The following RALYL variants were observed in gnomAD, a reference collection of about 807,000 sequenced individuals.
RALYL encodes the protein RNA-binding Raly-like protein.
Under a neutral mutation model 35.1 loss-of-function variants are expected in RALYL, and 29 were observed. The ratio of observed to expected loss-of-function variants is 0.83; its 90% CI spans 0.61 to 1.13. The LOEUF (loss-of-function observed/expected upper bound fraction) is 1.13, where lower values mean the gene tolerates loss of function less well. Among genes scored for constraint, RALYL ranks in the 50% most tolerant of loss-of-function variants. The probability of loss-of-function intolerance (pLI) is 0.00; values close to 1 mark genes in which losing one functional copy is unlikely to be tolerated. For missense variants in RALYL, 359 were observed against 360.4 expected, an observed-to-expected ratio of 1.00 and a Z score of 0.03; for synonymous variants, 120 against 127.6, an observed-to-expected ratio of 0.94 and a Z score of 0.40.
chr8:84,574,544 T>C (rs1808845695), intron 2 of RALYL, among the ~76,000 whole-genome samples: 2 of 152,092 alleles, frequency 1.3e-5, no homozygotes, highest in East Asian at 1.9e-4. Flanking sequence ...TTATCACTAA[T>C]TATCCCTCTC....
chr8:84,839,497 C>T lies in RALYL; in HGVS notation c.366-10483C>T, dbSNP rs565287958. Among the ~76,000 whole-genome samples the T allele has an allele frequency of 2.0e-5, 3 of 152,362 alleles. No individual in the cohort carries two copies. The East Asian group carries it at 5.8e-4, about 29-fold the overall frequency. On this transcript the variant is annotated intron_variant, in intron 4 of 8. Coordinates refer to ENST00000521268, the MANE Select transcript of RALYL (RefSeq NM_173848.7). The stretch of plus-strand genomic sequence containing the variant: ...AGCTCGAACTGGGTGGAGCCCACCA[C>T]AGCTCAAGGAGGCCTGCCTGCCTCT...
At chr8:84,721,915 G>A (rs951962662) in intron 2 of RALYL, among the ~76,000 whole-genome samples, 1 of 151,984 alleles carries the variant, frequency 6.6e-6, no homozygotes, top group African/African-American at 2.4e-5. Context: ...CTCAGTAATG[G>A]TATCAACTGG....
intron 5 of RALYL, among the ~76,000 whole-genome samples, chr8:84,851,254 G>T (rs1835804330): frequency 6.6e-6 from 1 of 151,922 alleles, no homozygotes. Flanking sequence ...GACTTTGAAA[G>T]ATGGAATGTG....
chr8:84,654,303 A>ATATATATATATC (rs1829508020), intron 2 of RALYL, among the ~76,000 whole-genome samples: 1 of 130,184 alleles, frequency 7.7e-6, no homozygotes, highest in Non-Finnish European at 1.7e-5. Flanking sequence ...ATATATATAT[A>ATATATATATATC]TATATATATA....
chr8:84,781,598 A>G (rs1190798528), intron 3 of RALYL, among the ~76,000 whole-genome samples: 8 of 152,212 alleles, frequency 5.3e-5, no homozygotes, highest in Non-Finnish European at 1.0e-4. Flanking sequence ...CTACATTACT[A>G]TTTGTTTGGT....
At chr8:84,705,601 A>C (rs1351240027) in intron 2 of RALYL, among the ~76,000 whole-genome samples, 1 of 152,234 alleles carries the variant, frequency 6.6e-6, no homozygotes, top group African/African-American at 2.4e-5. Context: ...TCAGTATTCT[A>C]TAGTGGTTAA....
chr8:84,495,436 A>C (rs2055890283), intron 1 of RALYL, among the ~76,000 whole-genome samples: 1 of 152,086 alleles, frequency 6.6e-6, no homozygotes, highest in African/African-American at 2.4e-5. Context: ...AATTGATTTA[A>C]AATTTTTTAT....
intron 1 of RALYL, among the ~76,000 whole-genome samples, chr8:84,306,462 A>T (rs1365141384): frequency 6.6e-6 from 1 of 152,134 alleles, no homozygotes; most frequent in African/African-American, 2.4e-5. Context: ...TCATGGATTC[A>T]TTGGCACACC....
At chr8:84,221,523 G>T (rs1822213108) in intron 1 of RALYL, among the ~76,000 whole-genome samples, 1 of 151,918 alleles carries the variant, frequency 6.6e-6, no homozygotes, top group Non-Finnish European at 1.5e-5. Context: ...TAGACCTTAT[G>T]CAAATTACTT....
At chr8:84,772,506 A>C (rs1192576159) in intron 2 of RALYL, among the ~76,000 whole-genome samples, 1 of 151,580 alleles carries the variant, frequency 6.6e-6, no homozygotes, top group Non-Finnish European at 1.5e-5. Context: ...GTAACTGTAA[A>C]ATTTTTCAAT....
At chr8:84,910,690 C>T (rs1847365445) in intron 8 of RALYL, among the ~76,000 whole-genome samples, 1 of 152,010 alleles carries the variant, frequency 6.6e-6, no homozygotes. Flanking sequence ...ACTGATTGCA[C>T]TTCAGTCCTC....
chr8:84,586,028 C>T (rs1811920218), intron 2 of RALYL, among the ~76,000 whole-genome samples: 1 of 151,944 alleles, frequency 6.6e-6, no homozygotes, highest in African/African-American at 2.4e-5. Flanking sequence ...AACCCCGTCT[C>T]TACTAAAAAT....
chr8:84,780,299 A>G (rs1276849867), intron 3 of RALYL, among the ~76,000 whole-genome samples: 1 of 152,138 alleles, frequency 6.6e-6, no homozygotes, highest in Non-Finnish European at 1.5e-5. Context: ...TTTACTTTGA[A>G]TGTATGTTAT....
At chr8:84,785,276 T>C (rs1455831439) in intron 3 of RALYL, among the ~76,000 whole-genome samples, 1 of 152,194 alleles carries the variant, frequency 6.6e-6, no homozygotes, top group African/African-American at 2.4e-5. Flanking sequence ...ATTTCAGTGT[T>C]CATTAGAAGC....
chr8:84,885,736 A>G (rs1007311521), intron 7 of RALYL, among the ~76,000 whole-genome samples: 1 of 152,132 alleles, frequency 6.6e-6, no homozygotes, highest in Admixed American at 6.6e-5. Context: ...TTGATCTACC[A>G]GCTCTTTTTC....
At chr8:84,706,103 G>A in intron 2 of RALYL, 2 of 1,516,422 alleles carry the variant, frequency 1.3e-6, no homozygotes, top group Non-Finnish European at 1.8e-6. Flanking sequence ...ACTGGGGTAG[G>A]GAAAACATAC....
chr8:84,863,777 A>C (rs1838594334), intron 6 of RALYL, among the ~76,000 whole-genome samples: 1 of 152,226 alleles, frequency 6.6e-6, no homozygotes. Context: ...TTGTGGACCT[A>C]ACTAAGATAA....
intron 4 of RALYL, among the ~76,000 whole-genome samples, chr8:84,819,606 C>T (rs1828066084): frequency 6.6e-6 from 1 of 152,110 alleles, no homozygotes; most frequent in African/African-American, 2.4e-5. Context: ...AAGAGTCTCC[C>T]TCAGTCTTTT....
intron 1 of RALYL, among the ~76,000 whole-genome samples, chr8:84,390,055 G>T (rs867313850): frequency 2.0e-5 from 3 of 152,026 alleles, no homozygotes; most frequent in African/African-American, 4.8e-5. Context: ...TTGCATGAAG[G>T]GCTGTTGAAT....
Sources: gnomAD v4.1 joint callset for allele counts (sites outside exome capture counted in the v4.1 genomes callset) on GRCh38, gnomAD v4.1.1 for gene constraint, MANE v1.5 for transcripts, NCBI Gene and HGNC (gene_info 2026-07-23, HGNC 2026-07-21) for gene names.